The following MPZL1 variants were observed in gnomAD, a reference collection of about 807,000 sequenced individuals.
MPZL1 encodes myelin protein zero like 1.
Under a neutral mutation model 29.3 loss-of-function variants are expected in MPZL1, and 16 were observed. The ratio of observed to expected loss-of-function variants is 0.55; its 90% CI spans 0.37 to 0.83. The LOEUF (loss-of-function observed/expected upper bound fraction) is 0.83. MPZL1 is among the 40% of genes least tolerant of loss of function. The probability of loss-of-function intolerance (pLI) is 0.00; values close to 1 mark genes in which losing one functional copy is unlikely to be tolerated. For synonymous variants in MPZL1, 143 were observed against 132.0 expected (o/e 1.08, Z -0.57); for missense variants, 279 against 332.9 (o/e 0.84, Z 1.26).
intron 1 of MPZL1, among the ~76,000 whole-genome samples, chr1:167,762,546 A>G (rs918777316): frequency 1.3e-5 from 2 of 152,244 alleles, no homozygotes; most frequent in East Asian, 1.9e-4. Context: ...CTTGAACACA[A>G]TTTGAACAGT....
At chr1:167,780,125 TA>T (rs1467294330) in intron 5 of MPZL1, among the ~76,000 whole-genome samples, 2 of 152,018 alleles carry the variant, frequency 1.3e-5, no homozygotes, top group African/African-American at 4.8e-5. Context: ...CAAGAAACTT[TA>T]ATGTAATCAT....
chr1:167,752,798 T>C (rs1660784899), intron 1 of MPZL1, among the ~76,000 whole-genome samples: 1 of 152,230 alleles, frequency 6.6e-6, no homozygotes, highest in Admixed American at 6.5e-5. Flanking sequence ...TTGGTTTCCT[T>C]ATTTTAGGAA....
At position 167,740,813 on chromosome 1, in the gene MPZL1, T is replaced by C. The variant is rs989952968; in HGVS notation, c.91+18571T>C. Among the ~76,000 whole-genome samples, 3 of 152,208 alleles carry C rather than the reference T, an allele frequency of 2.0e-5. No homozygotes were observed. In the South Asian group the frequency reaches 6.2e-4, roughly 31 times the overall value. On this transcript the variant is annotated intron_variant, in intron 1 of 5. Transcript: ENST00000359523. The stretch of plus-strand genomic sequence containing the variant: ...AACTTAACATTTCCAAAATGGCAGG[T>C]TGCTTTCTATTCCTTCTCTCCAGTT...
At chr1:167,749,775 G>A (rs764555843) in intron 1 of MPZL1, among the ~76,000 whole-genome samples, 4 of 152,166 alleles carry the variant, frequency 2.6e-5, no homozygotes, top group South Asian at 2.1e-4. Context: ...TAAAATGAAC[G>A]TGAACTAGAT....
At chr1:167,768,527 T>C (rs925541218) in intron 2 of MPZL1, among the ~76,000 whole-genome samples, 1 of 152,216 alleles carries the variant, frequency 6.6e-6, no homozygotes, top group African/African-American at 2.4e-5. Context: ...CTGTCTTACA[T>C]CTTTAGTATA....
chr1:167,772,515 A>G lies in MPZL1; in HGVS notation c.472+27A>G, dbSNP rs748064900. 9 of 1,566,638 alleles carry G rather than the reference A, an allele frequency of 5.7e-6. No homozygotes were observed. The Middle Eastern group carries it at 1.0e-3, about 175-fold the overall frequency. ...TACTTCCTTGAGTATTTTGGCAGTAATAATGCAGTCTCCTTTATCTCATGT... is the reference window on the plus strand; with the variant it reads ...TACTTCCTTGAGTATTTTGGCAGTAGTAATGCAGTCTCCTTTATCTCATGT... On this transcript the variant is annotated intron_variant, in intron 3 of 5. Coordinates refer to ENST00000359523, the MANE Select transcript of MPZL1 (RefSeq NM_003953.6).
Position 167,790,253 on chromosome 1 carries a change from G to A in MPZL1, c.*2332G>A, listed in dbSNP as rs932092632. On this transcript the variant is annotated 3_prime_UTR_variant, in exon 6 of 6. Transcript: ENST00000359523. ...GGGCCACTCACTCGAATGACACCTG[G>A]AGGCCTGTTCCTCCCTTACCACTCC... 6.6e-6 allele frequency: 1 copy of A among 152,428 alleles called. No homozygotes were observed. The highest frequency in any genetic ancestry group is 6.5e-5 in the Admixed American group (1 of 15,278). 9.4% of individuals were successfully genotyped at this position (152,428 alleles called of 1,614,324 possible). A position where few individuals can be genotyped will look rare whatever the true frequency, so the allele number is the denominator to read the frequency against.
At chr1:167,750,048 C>T in intron 1 of MPZL1, among the ~76,000 whole-genome samples, 1 of 152,158 alleles carries the variant, frequency 6.6e-6, no homozygotes, top group East Asian at 1.9e-4. Context: ...TTCTGAGCTA[C>T]CAAATAAAGG....
At chr1:167,770,577 A>T (rs1661218218) in intron 2 of MPZL1, among the ~76,000 whole-genome samples, 1 of 152,214 alleles carries the variant, frequency 6.6e-6, no homozygotes, top group African/African-American at 2.4e-5. Context: ...AACCAGAAGG[A>T]AGAGGGCGAA....
intron 3 of MPZL1, among the ~76,000 whole-genome samples, chr1:167,772,864 C>T (rs1275295228): frequency 1.3e-5 from 2 of 152,194 alleles, no homozygotes; most frequent in African/African-American, 2.4e-5. Context: ...CTTTCAACAA[C>T]AGCACAGTTA....
At chr1:167,779,599 T>G (rs569366422) in intron 5 of MPZL1, among the ~76,000 whole-genome samples, 44 of 151,832 alleles carry the variant, frequency 2.9e-4, no homozygotes, top group African/African-American at 1.1e-3. Flanking sequence ...AAAAAAAAAT[T>G]GACTCTTTAC....
At chr1:167,758,831 C>T (rs1375412918) in intron 1 of MPZL1, among the ~76,000 whole-genome samples, 1 of 152,080 alleles carries the variant, frequency 6.6e-6, no homozygotes, top group Non-Finnish European at 1.5e-5. Context: ...TATATTCTTG[C>T]CCTTTAAACT....
intron 1 of MPZL1, among the ~76,000 whole-genome samples, chr1:167,728,034 ATT>A (rs35770520): frequency 1.3e-3 from 132 of 104,076 alleles, no homozygotes; most frequent in African/African-American, 4.3e-3. Context: ...CGCCCAACTA[ATT>A]TTTTTTTTTT....
chr1:167,751,271 G>A (rs1263450125), intron 1 of MPZL1, among the ~76,000 whole-genome samples: 1 of 152,128 alleles, frequency 6.6e-6, no homozygotes, highest in Non-Finnish European at 1.5e-5. Flanking sequence ...ATACATTTTA[G>A]TAAGAGTCCC....
Position 167,739,310 on chromosome 1 carries a change from C to CAT in MPZL1, c.91+17069_91+17070insTA, listed in dbSNP as rs68082264. On this transcript the variant is annotated intron_variant, in intron 1 of 5. Coordinates refer to ENST00000359523, the MANE Select transcript of MPZL1 (RefSeq NM_003953.6). The stretch of plus-strand genomic sequence containing the variant: ...ATATATATATATATATATATATATA[C>CAT]ACATATATATATTTATGTTTATTCT... Among the ~76,000 whole-genome samples, 88 of 101,328 alleles carry CAT rather than the reference C, an allele frequency of 8.7e-4. 1 individual carries two copies. Among genetic ancestry groups the CAT allele is most frequent in the African/African-American group, 3.0e-3 (59 of 19,944 alleles). 66.5% of individuals were successfully genotyped at this position (101,328 alleles called of 152,430 possible).
intron 2 of MPZL1, among the ~76,000 whole-genome samples, chr1:167,767,366 AAGAGTGGGTGTGAGAGCCACCC>A: frequency 6.6e-6 from 1 of 152,382 alleles, no homozygotes; most frequent in South Asian, 2.1e-4. Flanking sequence ...AGTCTTCTGC[AAGAGTGGGTGTGAGAGCCACCC>A]AGAGGTAATA....
intron 1 of MPZL1, 163 bp from the exon 2 acceptor site, chr1:167,765,420 C>G (rs1436966112): frequency 1.2e-5 from 6 of 502,458 alleles, no homozygotes; most frequent in African/African-American, 2.0e-5. Flanking sequence ...TAGTGCTATT[C>G]TGATTGAACT....
chr1:167,727,034 A>G (rs1159788536), intron 1 of MPZL1, among the ~76,000 whole-genome samples: 1 of 152,210 alleles, frequency 6.6e-6, no homozygotes, highest in East Asian at 1.9e-4. Context: ...CTAATATGAA[A>G]ATTTGCAGCA....
intron 1 of MPZL1, among the ~76,000 whole-genome samples, chr1:167,739,806 C>T (rs1223188810): frequency 1.3e-5 from 2 of 152,156 alleles, no homozygotes; most frequent in African/African-American, 4.8e-5. Flanking sequence ...TTCCTTACCC[C>T]TCTTATCTGC....
Sources: gnomAD v4.1 joint callset for allele counts (sites outside exome capture counted in the v4.1 genomes callset) on GRCh38, gnomAD v4.1.1 for gene constraint, MANE v1.5 for transcripts, NCBI Gene and HGNC (gene_info 2026-07-23, HGNC 2026-07-21) for gene names.